The following SLCO3A1 variants were observed in gnomAD, a reference collection of about 807,000 sequenced individuals.
The protein encoded by SLCO3A1 is solute carrier organic anion transporter family member 3A1.
A neutral mutation model predicts 63.1 loss-of-function variants in SLCO3A1; 27 were observed. The observed-to-expected ratio is 0.43, with a 90% confidence interval of 0.32 to 0.59. SLCO3A1 has a LOEUF of 0.59. SLCO3A1 is among the 20% of genes least tolerant of loss of function. The pLI, the probability that SLCO3A1 is intolerant of heterozygous loss-of-function variation, is 0.09. For missense variants in SLCO3A1, 773 were observed against 945.8 expected (o/e 0.82, Z 2.40); for synonymous variants, 473 against 409.9 (o/e 1.15, Z -1.86).
At chr15:92,113,534 T>A (rs1056261453) in intron 4 of SLCO3A1, among the ~76,000 whole-genome samples, 1 of 152,148 alleles carries the variant, frequency 6.6e-6, no homozygotes, top group Non-Finnish European at 1.5e-5. Context: ...CTCCAGAGGA[T>A]GGTCAAAAGG....
At chr15:92,140,772 G>A (rs2048121326) in intron 7 of SLCO3A1, among the ~76,000 whole-genome samples, 1 of 152,154 alleles carries the variant, frequency 6.6e-6, no homozygotes, top group South Asian at 2.1e-4. Flanking sequence ...TTGGTTTAAA[G>A]TCTGTTTTAT....
intron 7 of SLCO3A1, among the ~76,000 whole-genome samples, chr15:92,133,504 T>A (rs984643142): frequency 1.4e-5 from 2 of 145,420 alleles, no homozygotes; most frequent in Non-Finnish European, 3.1e-5. Flanking sequence ...GAGCAAAGCT[T>A]TATCTGTATT....
At chr15:92,053,752 A>G (rs574013294) in intron 2 of SLCO3A1, among the ~76,000 whole-genome samples, 3 of 150,696 alleles carry the variant, frequency 2.0e-5, no homozygotes, top group Non-Finnish European at 4.4e-5. Flanking sequence ...TGGAAGAGGA[A>G]GGACACAGAG....
rs974303558 is a variant in SLCO3A1, at chr15:91,856,601, A to C, written c.180+2513A>C. On this transcript the variant is annotated intron_variant, in intron 1 of 9. Coordinates refer to ENST00000318445, the MANE Select transcript of SLCO3A1 (RefSeq NM_013272.4). The surrounding 1 kb of genome is among the most constrained non-coding windows in gnomAD (Gnocchi z 4.9). ...AGGAAAGGCACATTTCTTCCTTTTAATTCATCATGGCTTTCTTAGGAAACC... is the reference window on the plus strand; with the variant it reads ...AGGAAAGGCACATTTCTTCCTTTTACTTCATCATGGCTTTCTTAGGAAACC... 2.6e-5 allele frequency among the ~76,000 whole-genome samples: 4 copies of C among 152,184 alleles called. No homozygotes were observed. The highest frequency in any genetic ancestry group is 3.2e-3 in the Middle Eastern group (1 of 316).
At chr15:92,019,847 G>A (rs2046485714) in intron 2 of SLCO3A1, among the ~76,000 whole-genome samples, 1 of 152,116 alleles carries the variant, frequency 6.6e-6, no homozygotes, top group South Asian at 2.1e-4. Flanking sequence ...TGTCTGTCGG[G>A]TGCCCCACAG....
chr15:92,136,629 ATTTC>A (rs538317595), intron 7 of SLCO3A1, among the ~76,000 whole-genome samples: 24 of 152,268 alleles, frequency 1.6e-4, no homozygotes, highest in Non-Finnish European at 2.5e-4. Flanking sequence ...TCTTTCATTG[ATTTC>A]TTTATTTTAT....
At position 91,912,308 on chromosome 15, in the gene SLCO3A1, A is replaced by C. The variant is rs774789407; in HGVS notation, c.181-3685A>C. ...GAGTGAAAACATTAGCCTCTGATCTAATTGATCCACAAAGCATCATTTCAG... is the reference window on the plus strand; with the variant it reads ...GAGTGAAAACATTAGCCTCTGATCTCATTGATCCACAAAGCATCATTTCAG... On this transcript the variant is annotated intron_variant, in intron 1 of 9. Coordinates refer to ENST00000318445, the MANE Select transcript of SLCO3A1 (RefSeq NM_013272.4). The surrounding 1 kb of genome is among the most constrained non-coding windows in gnomAD (Gnocchi z 5.0). 1.3e-5 allele frequency among the ~76,000 whole-genome samples: 2 copies of C among 152,170 alleles called. No homozygotes were observed. The highest frequency in any genetic ancestry group is 2.9e-5 in the Non-Finnish European group (2 of 68,032).
chr15:91,958,712 G>T (rs975294440), intron 2 of SLCO3A1, among the ~76,000 whole-genome samples: 3 of 152,138 alleles, frequency 2.0e-5, no homozygotes, highest in African/African-American at 7.2e-5. Context: ...AAACCACAAT[G>T]ATATAGATAC....
At chr15:91,978,906 G>A (rs1159144988) in intron 2 of SLCO3A1, among the ~76,000 whole-genome samples, 2 of 152,186 alleles carry the variant, frequency 1.3e-5, no homozygotes, top group East Asian at 3.9e-4. Flanking sequence ...GCCAACCTCT[G>A]GTCTAGTTCA....
intron 2 of SLCO3A1, among the ~76,000 whole-genome samples, chr15:92,021,875 C>A (rs1156344376): frequency 2.6e-5 from 4 of 151,998 alleles, no homozygotes; most frequent in African/African-American, 4.8e-5. Flanking sequence ...AGTGTCAGAG[C>A]CTCCTGTGCC....
chr15:91,959,241 T>C (rs554042392), intron 2 of SLCO3A1, among the ~76,000 whole-genome samples: 27 of 152,070 alleles, frequency 1.8e-4, no homozygotes, highest in African/African-American at 5.5e-4. Context: ...CAAAGGCATA[T>C]AGAGAGATAT....
intron 2 of SLCO3A1, among the ~76,000 whole-genome samples, chr15:91,999,308 A>C (rs1205371692): frequency 6.6e-6 from 1 of 152,236 alleles, no homozygotes; most frequent in African/African-American, 2.4e-5. Flanking sequence ...TTAAAAATTA[A>C]AAAATAAAAA....
chr15:92,036,590 C>CA (rs2046730667), intron 2 of SLCO3A1, among the ~76,000 whole-genome samples: 1 of 151,696 alleles, frequency 6.6e-6, no homozygotes, highest in Admixed American at 6.6e-5. Context: ...TTTTTTTTAT[C>CA]AAAAAAATTG....
Position 91,912,151 on chromosome 15 carries a change from T to G in SLCO3A1, c.181-3842T>G, listed in dbSNP as rs188654188. Among the ~76,000 whole-genome samples, 4 of 152,272 alleles carry G rather than the reference T, an allele frequency of 2.6e-5. No individual in the cohort carries two copies. The East Asian group carries it at 7.7e-4, about 29-fold the overall frequency. ...CCTTCTCCATTAGTCCTGTTACCCATTAAGTAAAGGCAGTCATTCCCTTCC... is the reference window on the plus strand; with the variant it reads ...CCTTCTCCATTAGTCCTGTTACCCAGTAAGTAAAGGCAGTCATTCCCTTCC... On this transcript the variant is annotated intron_variant, in intron 1 of 9. Transcript: ENST00000318445. The surrounding 1 kb of genome is among the most constrained non-coding windows in gnomAD (Gnocchi z 5.0).
chr15:92,127,535 A>G (rs2151567561), intron 6 of SLCO3A1, among the ~76,000 whole-genome samples: 1 of 152,284 alleles, frequency 6.6e-6, no homozygotes, highest in Admixed American at 6.5e-5. Context: ...TGCATGACGC[A>G]TAAATTGCCG....
chr15:91,860,001 G>A lies in SLCO3A1; in HGVS notation c.180+5913G>A, dbSNP rs1171223532. Among the ~76,000 whole-genome samples, 1 of 152,128 alleles carries A rather than the reference G, an allele frequency of 6.6e-6. No individual in the cohort carries two copies. The highest frequency in any genetic ancestry group is 1.9e-4 in the East Asian group (1 of 5,196). ...AAGCTAAATATCAGTTGCTAATTCT[G>A]TTTATTCCCTTATAAATATAGCAAT... On this transcript the variant is annotated intron_variant, in intron 1 of 9. Coordinates refer to ENST00000318445, the MANE Select transcript of SLCO3A1 (RefSeq NM_013272.4). The surrounding 1 kb of genome is among the most constrained non-coding windows in gnomAD (Gnocchi z 5.5).
intron 8 of SLCO3A1, chr15:92,149,377 TGCCATCACAGATGTCTCAG>T (rs2048274179): frequency 6.6e-6 from 1 of 152,264 alleles, no homozygotes; most frequent in Non-Finnish European, 1.5e-5. Context: ...TAGTCTGATT[TGCCATCACAGATGTCTCAG>T]GCTGGCACAG....
intron 1 of SLCO3A1, among the ~76,000 whole-genome samples, chr15:91,892,299 G>A (rs1016758860): frequency 6.6e-6 from 1 of 152,172 alleles, no homozygotes; most frequent in Non-Finnish European, 1.5e-5. Context: ...TCATTCATGG[G>A]ATGCATTGGA....
At chr15:91,915,947 G>A in intron 1 of SLCO3A1, 46 bp from the exon 2 acceptor site, 1 of 1,505,030 alleles carries the variant, frequency 6.6e-7, no homozygotes, top group Non-Finnish European at 9.2e-7. Context: ...AGGCTTCCTG[G>A]GCATCTTCTT....
Sources: allele counts gnomAD v4.1 joint callset (sites outside exome capture counted in the v4.1 genomes callset), GRCh38; gene constraint gnomAD v4.1.1; non-coding constraint Gnocchi (gnomAD v3.1); transcripts MANE v1.5; gene names NCBI Gene and HGNC (gene_info 2026-07-23, HGNC 2026-07-21).